DPP6: variants seen among roughly 807,000 people sequenced by gnomAD.
The protein encoded by DPP6 is dipeptidyl peptidase like 6.
A neutral mutation model predicts 122.6 loss-of-function variants in DPP6; 69 were observed. The observed-to-expected ratio is 0.56, with a 90% CI of 0.46 to 0.69. The LOEUF (loss-of-function observed/expected upper bound fraction) is 0.69. Ranked by LOEUF, DPP6 falls within the 30% of genes least tolerant of loss-of-function variation. The pLI is 0.00. For missense variants in DPP6, 928 were observed against 1,116.9 expected, an observed-to-expected ratio of 0.83 and a Z score of 2.41; for synonymous variants, 418 against 433.1, an observed-to-expected ratio of 0.97 and a Z score of 0.43.
At chr7:154,223,595 A>G (rs1800426811) in intron 1 of DPP6, among the ~76,000 whole-genome samples, 1 of 149,200 alleles carries the variant, frequency 6.7e-6, no homozygotes, top group Non-Finnish European at 1.5e-5. Context: ...GGATGAGTAG[A>G]AGATGAAGAA....
At chr7:154,743,998 G>A (rs1842929067) in intron 8 of DPP6, among the ~76,000 whole-genome samples, 1 of 152,144 alleles carries the variant, frequency 6.6e-6, no homozygotes, top group Non-Finnish European at 1.5e-5. Flanking sequence ...CCTTATGTGG[G>A]ATGGTGACAA....
the DPP6 span, among the ~76,000 whole-genome samples, chr7:153,786,121 G>A: frequency 3.4e-4 from 51 of 152,222 alleles, no homozygotes; most frequent in African/African-American, 1.2e-3. Context: ...CATGTACTGA[G>A]CTGACTTAGA....
chr7:154,059,899 A>C (rs1309461898), intron 1 of DPP6, among the ~76,000 whole-genome samples: 3 of 151,838 alleles, frequency 2.0e-5, no homozygotes, highest in Non-Finnish European at 4.4e-5. Flanking sequence ...CCCTGCTAGT[A>C]CAAGAAGCAA....
intron 1 of DPP6, among the ~76,000 whole-genome samples, chr7:154,199,154 T>C (rs1294533312): frequency 6.6e-6 from 1 of 152,028 alleles, no homozygotes; most frequent in East Asian, 1.9e-4. Flanking sequence ...TCTCCCCTAA[T>C]TGCAAGTCGT....
intron 7 of DPP6, among the ~76,000 whole-genome samples, chr7:154,699,744 G>A (rs906707212): frequency 6.6e-6 from 1 of 152,230 alleles, no homozygotes; most frequent in Non-Finnish European, 1.5e-5. Flanking sequence ...GAGAAGCCCT[G>A]GCATGATTGC....
chr7:154,030,367 G>C (rs1479619993), intron 1 of DPP6, among the ~76,000 whole-genome samples: 1 of 151,662 alleles, frequency 6.6e-6, no homozygotes, highest in Admixed American at 6.5e-5. Context: ...AGGCTTCTGT[G>C]GGGTGGTGAG....
rs143590096 is a variant in DPP6, at chr7:154,756,454, G to A, written c.884-12963G>A. On this transcript the variant is annotated intron_variant, in intron 8 of 25. Coordinates refer to ENST00000377770, the MANE Select transcript of DPP6 (RefSeq NM_130797.4). ...ACGATTTTACGGATAATAGTTAATA[G>A]AGCTCTCACATCGACAACCCAATGA... Among the ~76,000 whole-genome samples the A allele has an allele frequency of 2.0e-3, 311 of 152,252 alleles. 1 individual carries two copies. Among genetic ancestry groups the A allele is most frequent in the Non-Finnish European group, 3.4e-3 (234 of 68,016 alleles).
At chr7:154,397,904 G>A (rs775416264) in intron 1 of DPP6, among the ~76,000 whole-genome samples, 1 of 152,124 alleles carries the variant, frequency 6.6e-6, no homozygotes, top group Non-Finnish European at 1.5e-5. Flanking sequence ...AATCTTTCTA[G>A]GTCTTGGTGC....
At chr7:154,258,545 T>C (rs1275236522) in intron 1 of DPP6, among the ~76,000 whole-genome samples, 4 of 152,184 alleles carry the variant, frequency 2.6e-5, no homozygotes, top group Non-Finnish European at 5.9e-5. Flanking sequence ...TTTATCATGC[T>C]CCACAACCAA....
intron 1 of DPP6, among the ~76,000 whole-genome samples, chr7:154,040,828 T>A (rs573199969): frequency 6.6e-6 from 1 of 151,204 alleles, no homozygotes; most frequent in Non-Finnish European, 1.5e-5. Flanking sequence ...GCGTGCTACA[T>A]GGCCTGTGCA....
the DPP6 span, among the ~76,000 whole-genome samples, chr7:153,847,793 T>A: frequency 6.6e-6 from 1 of 152,194 alleles, no homozygotes; most frequent in Non-Finnish European, 1.5e-5. Flanking sequence ...TAGGGCTGTT[T>A]GGTGTTTTTT....
intron 1 of DPP6, among the ~76,000 whole-genome samples, chr7:154,362,975 T>C (rs1309001031): frequency 6.6e-6 from 1 of 152,132 alleles, no homozygotes; most frequent in African/African-American, 2.4e-5. Flanking sequence ...CACATGAAGG[T>C]TGGATTCCCA....
chr7:153,834,230 T>G, the DPP6 span, among the ~76,000 whole-genome samples: 1 of 150,150 alleles, frequency 6.7e-6, no homozygotes, highest in Non-Finnish European at 1.5e-5. Flanking sequence ...GAGGTTGCAG[T>G]GAGCTGAGAT....
In DPP6 at chr7:154,147,165, C is replaced by T. The variant is rs367786479; in HGVS notation, c.243+94102C>T. Among the ~76,000 whole-genome samples the T allele has an allele frequency of 1.7e-3, 261 of 152,264 alleles. 1 individual carries two copies. The highest frequency in any genetic ancestry group is 1.4e-3 in the Non-Finnish European group (96 of 68,032). On this transcript the variant is annotated intron_variant, in intron 1 of 25. Coordinates refer to ENST00000377770, the MANE Select transcript of DPP6 (RefSeq NM_130797.4). ...AATCTTGGCTTTTCTTTGCAGGAAG[C>T]GTCCAAAATAACACAGGATTGGTCC...
At chr7:154,078,336 A>C (rs1803717942) in intron 1 of DPP6, among the ~76,000 whole-genome samples, 1 of 124,904 alleles carries the variant, frequency 8.0e-6, no homozygotes. Flanking sequence ...CGACTTTCAA[A>C]CTTCAGTGCA....
intron 3 of DPP6, among the ~76,000 whole-genome samples, chr7:154,501,761 C>G (rs1257547533): frequency 1.3e-5 from 2 of 152,142 alleles, no homozygotes; most frequent in African/African-American, 4.8e-5. Flanking sequence ...GGTTGGAGCC[C>G]CGACACAGAA....
chr7:153,763,784 G>C, the DPP6 span, among the ~76,000 whole-genome samples: 1 of 152,210 alleles, frequency 6.6e-6, no homozygotes, highest in Admixed American at 6.5e-5. Context: ...ACGGGTCTCA[G>C]AAAATGTAGG....
At chr7:153,802,706 T>C in the DPP6 span, among the ~76,000 whole-genome samples, 1 of 152,238 alleles carries the variant, frequency 6.6e-6, no homozygotes, top group Non-Finnish European at 1.5e-5. Context: ...TAATTCTTAC[T>C]TCTGAAGAAA....
intron 1 of DPP6, among the ~76,000 whole-genome samples, chr7:154,188,989 C>T (rs1043786578): frequency 1.2e-4 from 18 of 152,166 alleles, no homozygotes; most frequent in Non-Finnish European, 2.5e-4. Context: ...AGACTTCTTC[C>T]GACCAGGGAG....
Sources: gnomAD v4.1 joint callset for allele counts (sites outside exome capture counted in the v4.1 genomes callset) on GRCh38, gnomAD v4.1.1 for gene constraint, MANE v1.5 for transcripts, NCBI Gene and HGNC (gene_info 2026-07-23, HGNC 2026-07-21) for gene names.